Variants in CBLB observed in about 807,000 individuals in gnomAD.
CBLB encodes the protein Cbl proto-oncogene B.
A neutral mutation model predicts 104.9 loss-of-function variants in CBLB; 31 were observed. The observed-to-expected ratio is 0.30, with a 90% CI of 0.22 to 0.40. The LOEUF (loss-of-function observed/expected upper bound fraction) is 0.40. CBLB is among the 10% of genes least tolerant of loss of function. The pLI, the probability that CBLB is intolerant of heterozygous loss-of-function variation, is 1.00. For synonymous variants in CBLB, 440 were observed against 422.6 expected (o/e 1.04, Z -0.51); for missense variants, 1,062 against 1,214.6 (o/e 0.87, Z 1.87).
intron 12 of CBLB, among the ~76,000 whole-genome samples, chr3:105,697,234 GA>G (rs2068505185): frequency 6.6e-6 from 1 of 151,856 alleles, no homozygotes; most frequent in East Asian, 1.9e-4. Flanking sequence ...ACTTGTGAAA[GA>G]AGTATAAACT....
In CBLB at chr3:105,853,518, C is replaced by G; in HGVS notation, c.315G>C (p.Glu105Asp). Residue 105 changes from glutamate (E) to aspartate (D), a missense_variant, in exon 3 of 19, where the codon GAG becomes GAC. Glu to Asp is a conservative substitution (Grantham distance 45). Transcript: ENST00000394030. ...NQKLAQLSEN[E>D]YFKIYIDSLM... The stretch of plus-strand genomic sequence containing the variant: ...GGCTATCAATGTAGATTTTAAAGTA[C>G]TCATTCTCACTGAGTTGGGCAAGTT... The G allele has an allele frequency of 6.2e-7, 1 of 1,613,572 alleles. No individual in the cohort carries two copies. The highest frequency in any genetic ancestry group is 8.5e-7 in the Non-Finnish European group (1 of 1,179,712).
At chr3:105,696,219 T>G (rs1008292899) in intron 12 of CBLB, among the ~76,000 whole-genome samples, 4 of 151,686 alleles carry the variant, frequency 2.6e-5, no homozygotes, top group African/African-American at 9.7e-5. Context: ...CTTTCCTAAT[T>G]AGTAGATTGA....
chr3:105,665,093 T>G (rs1056776064), intron 18 of CBLB, among the ~76,000 whole-genome samples: 1 of 152,148 alleles, frequency 6.6e-6, no homozygotes, highest in African/African-American at 2.4e-5. Context: ...CTTTCTTCTA[T>G]AAATTGACAT....
At chr3:105,695,917 G>A (rs2068312053) in intron 12 of CBLB, among the ~76,000 whole-genome samples, 1 of 151,640 alleles carries the variant, frequency 6.6e-6, no homozygotes, top group African/African-American at 2.4e-5. Context: ...ATTGACTGCT[G>A]ATTGGCTCAG....
At chr3:105,781,630 G>A (rs1235370388) in intron 3 of CBLB, among the ~76,000 whole-genome samples, 1 of 152,164 alleles carries the variant, frequency 6.6e-6, no homozygotes, top group African/African-American at 2.4e-5. Flanking sequence ...CACAAAGAAT[G>A]TAATCTAATT....
intron 3 of CBLB, among the ~76,000 whole-genome samples, chr3:105,836,292 A>G (rs990099136): frequency 6.6e-6 from 1 of 152,248 alleles, no homozygotes; most frequent in Non-Finnish European, 1.5e-5. Context: ...TAACACGCTT[A>G]CCTGGATCAA....
chr3:105,842,936 A>C (rs1302172970), intron 3 of CBLB, among the ~76,000 whole-genome samples: 1 of 152,240 alleles, frequency 6.6e-6, no homozygotes, highest in Non-Finnish European at 1.5e-5. Flanking sequence ...AAATAGTTTT[A>C]AAATTTTACT....
At chr3:105,770,938 G>A (rs1044972982) in intron 4 of CBLB, among the ~76,000 whole-genome samples, 1 of 152,186 alleles carries the variant, frequency 6.6e-6, no homozygotes, top group Non-Finnish European at 1.5e-5. Flanking sequence ...TCCAGGACAA[G>A]ATAGATTCAC....
At chr3:105,854,619 G>A (rs571816833) in intron 2 of CBLB, among the ~76,000 whole-genome samples, 2 of 148,750 alleles carry the variant, frequency 1.3e-5, no homozygotes, top group South Asian at 4.2e-4. Context: ...AAATTGTCAA[G>A]AGTATATCTT....
intron 3 of CBLB, among the ~76,000 whole-genome samples, chr3:105,803,406 T>A (rs1338393886): frequency 2.6e-5 from 4 of 152,196 alleles, no homozygotes; most frequent in Non-Finnish European, 5.9e-5. Context: ...TAAATACGGC[T>A]CCTTTCAAAG....
intron 12 of CBLB, among the ~76,000 whole-genome samples, chr3:105,701,291 G>T (rs540802253): frequency 1.7e-4 from 26 of 152,290 alleles, no homozygotes; most frequent in Admixed American, 1.2e-3. Flanking sequence ...CTTGGGAAAA[G>T]AACTTGATTT....
intron 18 of CBLB, among the ~76,000 whole-genome samples, chr3:105,666,497 C>A (rs962147049): frequency 1.3e-5 from 2 of 151,990 alleles, no homozygotes; most frequent in Non-Finnish European, 2.9e-5. Flanking sequence ...ACCAGCCTGG[C>A]CAACATGGTG....
chr3:105,725,625 T>A (rs1249313360), intron 9 of CBLB, among the ~76,000 whole-genome samples: 1 of 152,214 alleles, frequency 6.6e-6, no homozygotes, highest in Admixed American at 6.5e-5. Flanking sequence ...TCTCGCAGCT[T>A]CTTTATTACT....
intron 2 of CBLB, among the ~76,000 whole-genome samples, chr3:105,863,699 T>C (rs1335088324): frequency 6.6e-6 from 1 of 152,176 alleles, no homozygotes; most frequent in Non-Finnish European, 1.5e-5. Flanking sequence ...TTGAAAAATG[T>C]ACTAAATAGA....
intron 2 of CBLB, among the ~76,000 whole-genome samples, chr3:105,854,685 T>C (rs972063325): frequency 6.6e-6 from 1 of 151,470 alleles, no homozygotes; most frequent in East Asian, 1.9e-4. Context: ...CAGGCTGGAG[T>C]GTAGTGACAC....
At chr3:105,665,312 C>T (rs191955185) in intron 18 of CBLB, among the ~76,000 whole-genome samples, 45 of 150,774 alleles carry the variant, frequency 3.0e-4, no homozygotes, top group African/African-American at 1.0e-3. Context: ...GAACCCGGAA[C>T]GTGGAGGTTG....
At chr3:105,689,107 G>A (rs181829843) in intron 13 of CBLB, among the ~76,000 whole-genome samples, 1 of 151,860 alleles carries the variant, frequency 6.6e-6, no homozygotes, top group East Asian at 1.9e-4. Context: ...TTTCCTCCTA[G>A]CACTTACCAC....
intron 5 of CBLB, among the ~76,000 whole-genome samples, chr3:105,748,398 C>T (rs1007517920): frequency 2.0e-5 from 3 of 152,118 alleles, no homozygotes; most frequent in Non-Finnish European, 4.4e-5. Flanking sequence ...TCCATTGATG[C>T]TACACATTCC....
rs201941614 is a variant in CBLB at position 105,752,925 on chromosome 3, A to C, written c.567-1307T>G. Among the ~76,000 whole-genome samples the C allele has an allele frequency of 8.5e-5, 13 of 152,326 alleles. No homozygotes were observed. In the East Asian group the frequency reaches 2.5e-3, roughly 29 times the overall value. ...AGAGACAACACTTTGAGAGCCTACTATATCTATTCATTGCTAAAACAAGGC... is the reference window on the plus strand; with the variant it reads ...AGAGACAACACTTTGAGAGCCTACTCTATCTATTCATTGCTAAAACAAGGC... On this transcript the variant is annotated intron_variant, in intron 4 of 18. Transcript: ENST00000394030.
Sources: gnomAD v4.1 joint callset for allele counts (sites outside exome capture counted in the v4.1 genomes callset) on GRCh38, gnomAD v4.1.1 for gene constraint, MANE v1.5 for transcripts, NCBI Gene and HGNC (gene_info 2026-07-23, HGNC 2026-07-21) for gene names.